NEK10: variants seen among roughly 807,000 people sequenced by gnomAD.
NEK10 encodes serine/threonine-protein kinase Nek10.
A neutral mutation model predicts 159.8 loss-of-function variants in NEK10; 122 were observed. The ratio of observed to expected loss-of-function variants is 0.76; its 90% CI spans 0.66 to 0.89. NEK10 has a LOEUF of 0.89. Ranked by LOEUF, NEK10 falls within the 40% of genes least tolerant of loss-of-function variation. The probability of loss-of-function intolerance (pLI) is 0.00; values close to 1 mark genes in which losing one functional copy is unlikely to be tolerated. For missense variants in NEK10, 1,342 were observed against 1,323.1 expected (o/e 1.01, Z -0.22); for synonymous variants, 466 against 457.1 (o/e 1.02, Z -0.25).
intron 23 of NEK10, among the ~76,000 whole-genome samples, chr3:27,230,952 C>T (rs1203905998): frequency 1.3e-5 from 2 of 151,918 alleles, no homozygotes; most frequent in Non-Finnish European, 2.9e-5. Context: ...ATAGACAGAT[C>T]ATCAAGACAG....
chr3:27,140,350 T>C (rs1340728073), intron 31 of NEK10, among the ~76,000 whole-genome samples: 2 of 152,110 alleles, frequency 1.3e-5, no homozygotes, highest in Non-Finnish European at 2.9e-5. Flanking sequence ...CCTGAAATAT[T>C]ACTACAAGTG....
At chr3:27,180,913 A>G (rs1376822064) in intron 26 of NEK10, among the ~76,000 whole-genome samples, 3 of 151,984 alleles carry the variant, frequency 2.0e-5, no homozygotes, top group Admixed American at 6.6e-5. Context: ...CTCAGAACTC[A>G]TATTACTCAA....
intron 31 of NEK10, among the ~76,000 whole-genome samples, chr3:27,135,198 C>T (rs1446620486): frequency 6.6e-6 from 1 of 152,098 alleles, no homozygotes; most frequent in South Asian, 2.1e-4. Flanking sequence ...GTGGGAGGAC[C>T]GCTTGAGCCC....
chr3:27,358,683 A>G (rs2149859591), intron 1 of NEK10, among the ~76,000 whole-genome samples: 1 of 152,282 alleles, frequency 6.6e-6, no homozygotes, highest in South Asian at 2.1e-4. Flanking sequence ...TGGTTTTCAG[A>G]TCTCTACCCA....
At chr3:27,115,894 G>T in intron 35 of NEK10, 46 bp downstream of exon 35, 1 of 1,332,988 alleles carries the variant, frequency 7.5e-7, no homozygotes, top group Non-Finnish European at 1.1e-6. Flanking sequence ...AACATCTGAT[G>T]ACCTCAATTC....
At chr3:27,326,578 C>T (rs2046014404) in intron 5 of NEK10, among the ~76,000 whole-genome samples, 1 of 145,034 alleles carries the variant, frequency 6.9e-6, no homozygotes, top group Non-Finnish European at 1.5e-5. Context: ...AAGAAAAGAA[C>T]AAAAATTCCA....
At chr3:27,235,682 C>T (rs1002249549) in intron 23 of NEK10, among the ~76,000 whole-genome samples, 13 of 152,204 alleles carry the variant, frequency 8.5e-5, no homozygotes, top group Middle Eastern at 3.4e-3. Context: ...ATTAGTTCAA[C>T]CATTGTGGAA....
chr3:27,166,707 C>G (rs1946517836), intron 29 of NEK10, among the ~76,000 whole-genome samples: 1 of 152,088 alleles, frequency 6.6e-6, no homozygotes, highest in African/African-American at 2.4e-5. Flanking sequence ...TGCCTGCAAT[C>G]CTACCACTTT....
intron 23 of NEK10, among the ~76,000 whole-genome samples, chr3:27,226,192 C>T (rs1050708371): frequency 6.9e-5 from 10 of 145,558 alleles, no homozygotes; most frequent in South Asian, 2.1e-4. Flanking sequence ...CCACTACGCC[C>T]GGCTATTTTT....
At position 27,110,072 on chromosome 3, in the gene NEK10, A is replaced by G. The variant is rs1427220829; in HGVS notation, c.*1200T>C. On this transcript the variant is annotated 3_prime_UTR_variant, in exon 36 of 36. Transcript: ENST00000691995. ...AAAAAATTCAGTGTAAATAAAGATG[A>G]CAGAACTCCATGAAAAGTAAATAAA... The G allele has an allele frequency of 2.0e-5, 3 of 152,244 alleles. No individual in the cohort carries two copies. Among genetic ancestry groups the G allele is most frequent in the Admixed American group, 6.5e-5 (1 of 15,284 alleles). 9.4% of individuals were successfully genotyped at this position (152,244 alleles called of 1,614,324 possible).
At chr3:27,133,927 C>T (rs1225188296) in intron 31 of NEK10, among the ~76,000 whole-genome samples, 1 of 152,126 alleles carries the variant, frequency 6.6e-6, no homozygotes, top group Non-Finnish European at 1.5e-5. Context: ...GACCTCTTTT[C>T]AGGTCAATAT....
chr3:27,295,083 A>T (rs2043261822), intron 15 of NEK10, among the ~76,000 whole-genome samples: 1 of 152,070 alleles, frequency 6.6e-6, no homozygotes, highest in African/African-American at 2.4e-5. Flanking sequence ...CATCTGCTGG[A>T]GCACTGGCCC....
rs998766684 is a variant in NEK10 at position 27,111,097 on chromosome 3, G to A, written c.*175C>T. On this transcript the variant is annotated 3_prime_UTR_variant, in exon 36 of 36. Transcript: ENST00000691995. Reference sequence around the variant, plus strand: ...GGCAATGAAGCCCTCAAGTACCGCAGCTGTCATATACTCCAGCACAGGACC... The same window carrying A: ...GGCAATGAAGCCCTCAAGTACCGCAACTGTCATATACTCCAGCACAGGACC... 18 of 472,746 alleles carry A rather than the reference G, an allele frequency of 3.8e-5. No homozygotes were observed. Among genetic ancestry groups the A allele is most frequent in the Non-Finnish European group, 6.0e-5 (16 of 266,040 alleles). 29.3% of individuals were successfully genotyped at this position (472,746 alleles called of 1,614,324 possible).
intron 23 of NEK10, among the ~76,000 whole-genome samples, chr3:27,203,633 G>C (rs773816741): frequency 5.3e-5 from 8 of 151,946 alleles, no homozygotes; most frequent in Non-Finnish European, 8.8e-5. Flanking sequence ...TAAGTACTTG[G>C]GTCTGGCCTC....
At chr3:27,316,244 G>A (rs779215854) in intron 6 of NEK10, among the ~76,000 whole-genome samples, 9 of 152,154 alleles carry the variant, frequency 5.9e-5, no homozygotes, top group Non-Finnish European at 1.2e-4. Context: ...CGTATCAACT[G>A]GGAGCTCAGG....
chr3:27,328,649 T>C (rs967116998), intron 5 of NEK10, among the ~76,000 whole-genome samples: 14 of 152,136 alleles, frequency 9.2e-5, no homozygotes, highest in African/African-American at 3.4e-4. Context: ...GGCCTTTGGA[T>C]TTTTTATCCA....
intron 5 of NEK10, among the ~76,000 whole-genome samples, chr3:27,332,614 A>ATTGTTCCG (rs1553639641): frequency 8.5e-5 from 13 of 152,238 alleles, no homozygotes; most frequent in Admixed American, 5.2e-4. Context: ...CAAATACATA[A>ATTGTTCCG]TATTTGCCTT....
intron 32 of NEK10, among the ~76,000 whole-genome samples, chr3:27,122,030 T>C (rs962880486): frequency 6.6e-6 from 1 of 152,146 alleles, no homozygotes; most frequent in African/African-American, 2.4e-5. Flanking sequence ...CATTTGTGGG[T>C]TTCCTAGTCT....
intron 18 of NEK10, 67 bp downstream of exon 18, chr3:27,291,195 T>C: frequency 7.1e-7 from 1 of 1,410,270 alleles, no homozygotes; most frequent in Non-Finnish European, 9.8e-7. Context: ...CAATTGAATA[T>C]CGGTGTGCAA....
Sources: allele counts gnomAD v4.1 joint callset (sites outside exome capture counted in the v4.1 genomes callset), GRCh38; gene constraint gnomAD v4.1.1; transcripts MANE v1.5; gene names NCBI Gene and HGNC (gene_info 2026-07-23, HGNC 2026-07-21).